Variants in TSPEAR observed in about 807,000 individuals in gnomAD.
The protein encoded by TSPEAR is thrombospondin-type laminin G domain and EAR repeat-containing protein.
In TSPEAR, 69 loss-of-function variants were observed where a neutral mutation model predicts 71.6. The observed-to-expected ratio is 0.96, with a 90% confidence interval of 0.79 to 1.18. The LOEUF (loss-of-function observed/expected upper bound fraction) is 1.18, where lower values mean the gene tolerates loss of function less well. Ranked by LOEUF, TSPEAR falls within the 50% of genes most tolerant of loss-of-function variation. TSPEAR has a pLI of 0.00. For missense variants in TSPEAR, 971 were observed against 894.9 expected (o/e 1.09, Z -1.09); for synonymous variants, 402 against 387.2 (o/e 1.04, Z -0.45).
chr21:44,501,277 C>T (rs2052024704), intron 11 of TSPEAR, among the ~76,000 whole-genome samples: 1 of 151,904 alleles, frequency 6.6e-6, no homozygotes, highest in African/African-American at 2.4e-5. Context: ...TAGTGAAACC[C>T]CATCTCTATT....
chr21:44,702,007 G>A (rs1477651559), intron 1 of TSPEAR, among the ~76,000 whole-genome samples: 1 of 152,126 alleles, frequency 6.6e-6, no homozygotes. Context: ...CTATCTCTGA[G>A]CCAAGTTCAG....
rs1444447858 is a variant in TSPEAR, at chr21:44,551,513, TGTGAGTGTGTGA to T, written c.303+16260_303+16271del. Reference sequence around the variant, plus strand: ...AGGTGTGTGAGTGAGTGAGTGTGTGTGTGAGTGTGTGAGTGAGTGTGTGTGTGAGCCTGTTGG... The same window carrying T: ...AGGTGTGTGAGTGAGTGAGTGTGTGTGTGAGTGTGTGTGTGAGCCTGTTGG... On this transcript the variant is annotated intron_variant, in intron 2 of 11. Transcript: ENST00000323084. 4.4e-5 allele frequency: 30 copies of T among 676,586 alleles called. No individual in the cohort carries two copies. The East Asian group carries it at 6.9e-4, about 16-fold the overall frequency. The allele number at this position is 676,586 out of a possible 1,614,324, so 41.9% of individuals were successfully genotyped here. A position where few individuals can be genotyped will look rare whatever the true frequency, so the allele number is the denominator to read the frequency against.
intron 1 of TSPEAR, among the ~76,000 whole-genome samples, chr21:44,622,233 A>G (rs1395998977): frequency 6.6e-6 from 1 of 152,172 alleles, no homozygotes; most frequent in Non-Finnish European, 1.5e-5. Context: ...GACTGGCAAG[A>G]ATGTGGGGCT....
chr21:44,515,106 C>G (rs879945955), intron 9 of TSPEAR, among the ~76,000 whole-genome samples: 1 of 152,300 alleles, frequency 6.6e-6, no homozygotes, highest in African/African-American at 2.4e-5. Context: ...CGGCTTCACC[C>G]GCTTCAAAGC....
chr21:44,501,958 T>C (rs2052040385), intron 11 of TSPEAR, among the ~76,000 whole-genome samples: 1 of 152,152 alleles, frequency 6.6e-6, no homozygotes. Context: ...CTGGATAAAG[T>C]TAAGTCCCCA....
chr21:44,704,123 C>T (rs1343606889), intron 1 of TSPEAR, among the ~76,000 whole-genome samples: 1 of 152,206 alleles, frequency 6.6e-6, no homozygotes, highest in African/African-American at 2.4e-5. Context: ...GAGAGGAGGG[C>T]CCTCCCGCAA....
In TSPEAR at chr21:44,612,265, C is replaced by G. The variant is rs372099444; in HGVS notation, c.83-44260G>C. 1 of 1,613,638 alleles carries G rather than the reference C, an allele frequency of 6.2e-7. No homozygotes were observed. The highest frequency in any genetic ancestry group is 8.5e-7 in the Non-Finnish European group (1 of 1,180,008). ...AGGAAAGCTGCTGCGAGCCCCGCTC[C>G]TGTGCCTCCAGCTGCTGTACCCCTA... On this transcript the variant is annotated intron_variant, in intron 1 of 11. Coordinates refer to ENST00000323084, the MANE Select transcript of TSPEAR (RefSeq NM_144991.3). This position sits in a 1 kb window ranked among gnomAD's most constrained non-coding sequence, Gnocchi z 4.1.
chr21:44,503,623 G>C (rs587749544), intron 11 of TSPEAR, among the ~76,000 whole-genome samples: 9 of 135,970 alleles, frequency 6.6e-5, no homozygotes, highest in African/African-American at 2.3e-4. Context: ...CTGGGAGGAG[G>C]CCGGCCTTGG....
intron 9 of TSPEAR, chr21:44,518,634 C>T (rs781814054): frequency 3.4e-5 from 16 of 470,672 alleles, no homozygotes; most frequent in Admixed American, 1.2e-4. Context: ...CCAGGGTGCG[C>T]GACTCTGCTC....
chr21:44,567,771 A>T lies in TSPEAR; in HGVS notation c.303+14T>A. ...TACGCTATTATAACACGAAGTGCAGAAAGTGCCACTGACCTTGGGTGGAAG... is the reference window on the plus strand; with the variant it reads ...TACGCTATTATAACACGAAGTGCAGTAAGTGCCACTGACCTTGGGTGGAAG... On this transcript the variant is annotated intron_variant, in intron 2 of 11. Transcript: ENST00000323084. 1 of 1,545,994 alleles carries T rather than the reference A, an allele frequency of 6.5e-7. No individual in the cohort carries two copies. Among genetic ancestry groups the T allele is most frequent in the Non-Finnish European group, 8.8e-7 (1 of 1,141,922 alleles).
intron 2 of TSPEAR, chr21:44,558,173 G>C: frequency 6.5e-7 from 1 of 1,545,556 alleles, no homozygotes; most frequent in Non-Finnish European, 8.8e-7. Flanking sequence ...GGCAGGTGGA[G>C]GCAGGGGCAC....
chr21:44,566,924 T>A (rs1469082184), intron 2 of TSPEAR, among the ~76,000 whole-genome samples: 3 of 152,114 alleles, frequency 2.0e-5, no homozygotes, highest in African/African-American at 7.2e-5. Flanking sequence ...AACATAAGGG[T>A]AAATCTTCAT....
At position 44,498,422 on chromosome 21, in the gene TSPEAR, G is replaced by A. The variant is rs587642822; in HGVS notation, c.*1361C>T. The A allele has an allele frequency of 2.2e-4, 33 of 152,376 alleles. No homozygotes were observed. Among genetic ancestry groups the A allele is most frequent in the African/African-American group, 7.5e-4 (31 of 41,574 alleles). 9.4% of individuals were successfully genotyped at this position (152,376 alleles called of 1,614,324 possible). On this transcript the variant is annotated 3_prime_UTR_variant, in exon 12 of 12. Coordinates refer to ENST00000323084, the MANE Select transcript of TSPEAR (RefSeq NM_144991.3). ...TTGCTGGCTGGACGGAGGGGAAGGA[G>A]GCTCTCGGCGACTGCCCCCAGAGGG... is the stretch of plus-strand genomic sequence containing the variant.
chr21:44,677,831 G>A, intron 1 of TSPEAR: 2 of 1,295,090 alleles, frequency 1.5e-6, no homozygotes, highest in African/African-American at 2.9e-5. Flanking sequence ...CCACCTCGAA[G>A]AGTTTGTCTG....
At chr21:44,684,087 C>A (rs1986744093) in intron 1 of TSPEAR, among the ~76,000 whole-genome samples, 2 of 152,176 alleles carry the variant, frequency 1.3e-5, no homozygotes, top group South Asian at 4.2e-4. Context: ...ATCTCAAAAG[C>A]AGTGACAGGA....
chr21:44,684,843 C>T (rs1280356080), intron 1 of TSPEAR, among the ~76,000 whole-genome samples: 1 of 152,246 alleles, frequency 6.6e-6, no homozygotes, highest in African/African-American at 2.4e-5. Context: ...TGTAAGACAG[C>T]TAACCTTTAA....
Position 44,638,085 on chromosome 21 carries a change from C to T in TSPEAR, c.83-70080G>A, listed in dbSNP as rs148314406. On this transcript the variant is annotated intron_variant, in intron 1 of 11. Transcript: ENST00000323084. ...TCCTGCCAGCCCAGCTGCTGCCGCA[C>T]GGCCTCCTGTGTTTCCCTCCTCTGC... The T allele has an allele frequency of 8.7e-5, 140 of 1,613,630 alleles. 1 individual carries two copies. The highest frequency in any genetic ancestry group is 1.1e-4 in the East Asian group (5 of 44,836).
In TSPEAR at chr21:44,522,036, G is replaced by C; in HGVS notation, c.1413C>G (p.Ile471Met). Residue 471 changes from isoleucine to methionine, a missense_variant, in exon 9 of 12, where the codon ATC becomes ATG. Physicochemically the swap from Ile to Met is conservative, Grantham distance 10. Transcript: ENST00000323084. ...ATRLFEANQTIATSGAYDWEF... is the reference protein window; with the variant it reads ...ATRLFEANQTMATSGAYDWEF... ...CCCAGTCGTAGGCGCCGGAGGTGGC[G>C]ATGGTCTGGTTGGCCTCGAAGAGCC... 1 of 1,614,174 alleles carries C rather than the reference G, an allele frequency of 6.2e-7. No homozygotes were observed. The highest frequency in any genetic ancestry group is 1.1e-5 in the South Asian group (1 of 91,074).
At chr21:44,556,381 A>G (rs1272860146) in intron 2 of TSPEAR, among the ~76,000 whole-genome samples, 3 of 151,216 alleles carry the variant, frequency 2.0e-5, no homozygotes, top group Non-Finnish European at 4.4e-5. Flanking sequence ...TCTCAAAAAA[A>G]AATAACAACA....
Sources: allele counts gnomAD v4.1 joint callset (sites outside exome capture counted in the v4.1 genomes callset), GRCh38; gene constraint gnomAD v4.1.1; non-coding constraint Gnocchi (gnomAD v3.1); transcripts MANE v1.5; gene names NCBI Gene and HGNC (gene_info 2026-07-23, HGNC 2026-07-21).